Variants in SLC8A1 observed in about 807,000 individuals in gnomAD.
SLC8A1 encodes the protein solute carrier family 8 member A1.
A neutral mutation model predicts 68.3 loss-of-function variants in SLC8A1; 18 were observed. The ratio of observed to expected loss-of-function variants is 0.26; its 90% confidence interval spans 0.18 to 0.39. SLC8A1 has a LOEUF of 0.39. Ranked by LOEUF, SLC8A1 falls within the 10% of genes least tolerant of loss-of-function variation. The probability of loss-of-function intolerance (pLI) is 1.00; values close to 1 mark genes in which losing one functional copy is unlikely to be tolerated. For synonymous variants in SLC8A1, 475 were observed against 415.5 expected (o/e 1.14, Z -1.74); for missense variants, 985 against 1,156.7 (o/e 0.85, Z 2.15).
intron 1 of SLC8A1, among the ~76,000 whole-genome samples, chr2:40,441,423 A>C (rs2149830553): frequency 6.6e-6 from 1 of 152,080 alleles, no homozygotes; most frequent in East Asian, 1.9e-4. Context: ...TTTAAGTTTC[A>C]TATCGAACAA....
intron 2 of SLC8A1, among the ~76,000 whole-genome samples, chr2:40,342,506 G>T (rs1272305331): frequency 6.6e-6 from 1 of 152,024 alleles, no homozygotes; most frequent in Non-Finnish European, 1.5e-5. Flanking sequence ...AAAGTAAATG[G>T]GAAGAAAGAT....
intron 2 of SLC8A1, among the ~76,000 whole-genome samples, chr2:40,203,849 C>T (rs1369331461): frequency 6.6e-6 from 1 of 151,822 alleles, no homozygotes; most frequent in Admixed American, 6.6e-5. Context: ...GGACTACATG[C>T]ATGAACTACC....
intron 2 of SLC8A1, among the ~76,000 whole-genome samples, chr2:40,257,421 C>T (rs1558990729): frequency 1.3e-5 from 2 of 150,212 alleles, no homozygotes; most frequent in South Asian, 2.1e-4. Flanking sequence ...AGCTGTTTAC[C>T]ACCTTTTTTT....
intron 2 of SLC8A1, among the ~76,000 whole-genome samples, chr2:40,374,673 A>G (rs561681628): frequency 3.3e-5 from 5 of 152,016 alleles, no homozygotes; most frequent in Non-Finnish European, 7.4e-5. Flanking sequence ...AATAAGAACA[A>G]TAACTTTCCC....
intron 2 of SLC8A1, 40 bp downstream of exon 2, chr2:40,428,423 CCACACACACA>C (rs3838567): frequency 0.08 from 111,642 of 1,393,936 alleles, 3,259 homozygotes; most frequent in South Asian, 0.13. Context: ...ACACACTGAA[CCACACACACA>C]CACACACACA....
rs541685345 is a variant in SLC8A1, at chr2:40,432,656, G to A, written c.-24-2352C>T. On this transcript the variant is annotated intron_variant, in intron 1 of 7. Coordinates refer to ENST00000406785, the Ensembl canonical transcript of SLC8A1. ...TAGCAAGAGGGTAATGGACCAAGGGGGCAGGGCTCAGGAGTGGGAATGGAT... is the reference window on the plus strand; with the variant it reads ...TAGCAAGAGGGTAATGGACCAAGGGAGCAGGGCTCAGGAGTGGGAATGGAT... 8.4e-4 allele frequency among the ~76,000 whole-genome samples: 128 copies of A among 152,010 alleles called. 1 individual carries two copies. The highest frequency in any genetic ancestry group is 3.0e-3 in the African/African-American group (124 of 41,446).
intron 2 of SLC8A1, among the ~76,000 whole-genome samples, chr2:40,321,972 C>T (rs1487933945): frequency 6.6e-6 from 1 of 152,140 alleles, no homozygotes; most frequent in Admixed American, 6.6e-5. Context: ...ACTCATTAGT[C>T]AACTTAGGGT....
chr2:40,477,240 A>T (rs1704345398), intron 1 of SLC8A1, among the ~76,000 whole-genome samples: 1 of 150,780 alleles, frequency 6.6e-6, no homozygotes. Context: ...GGTATCTGAT[A>T]TCTGAAGAAA....
intron 2 of SLC8A1, among the ~76,000 whole-genome samples, chr2:40,263,439 A>C (rs414842): frequency 0.94 from 143,585 of 152,236 alleles, 68,093 homozygotes; most frequent in East Asian, 1. Context: ...ATCACGCTAC[A>C]TGACTTCAAA....
At chr2:40,122,597 A>T (rs1376633420) in intron 7 of SLC8A1, among the ~76,000 whole-genome samples, 1 of 152,094 alleles carries the variant, frequency 6.6e-6, no homozygotes, top group Non-Finnish European at 1.5e-5. Context: ...TGCTAGCCCC[A>T]CCTTGAGTTT....
At chr2:40,229,138 C>G (rs1352281632) in intron 2 of SLC8A1, among the ~76,000 whole-genome samples, 2 of 152,028 alleles carry the variant, frequency 1.3e-5, no homozygotes, top group Admixed American at 1.3e-4. Flanking sequence ...GACCATGTCC[C>G]TAAAAGCTGT....
chr2:40,324,171 T>C (rs1448865465), intron 2 of SLC8A1, among the ~76,000 whole-genome samples: 1 of 151,958 alleles, frequency 6.6e-6, no homozygotes, highest in African/African-American at 2.4e-5. Context: ...GAGATTGAAA[T>C]ATGATGAGGT....
chr2:40,446,820 G>A (rs374034098), intron 1 of SLC8A1, among the ~76,000 whole-genome samples: 45 of 152,196 alleles, frequency 3.0e-4, no homozygotes, highest in African/African-American at 9.2e-4. Context: ...ATGAGAAAAC[G>A]TGTGTAAAGC....
chr2:40,194,326 C>T (rs1383634554), intron 2 of SLC8A1, among the ~76,000 whole-genome samples: 7 of 151,958 alleles, frequency 4.6e-5, no homozygotes, highest in Non-Finnish European at 1.0e-4. Context: ...TTATCTTCTA[C>T]AGTATTTGCA....
At chr2:40,129,886 GAGTAA>G (rs1274982289) in intron 7 of SLC8A1, among the ~76,000 whole-genome samples, 2 of 152,152 alleles carry the variant, frequency 1.3e-5, no homozygotes, top group African/African-American at 4.8e-5. Context: ...TTATGGGACT[GAGTAA>G]AGTTGGCTGG....
chr2:40,364,374 G>T (rs920490130), intron 2 of SLC8A1, among the ~76,000 whole-genome samples: 12 of 151,568 alleles, frequency 7.9e-5, no homozygotes, highest in African/African-American at 2.9e-4. Flanking sequence ...GTGTGTGTGT[G>T]TATGTTTAGG....
At chr2:40,197,240 A>C (rs398006) in intron 2 of SLC8A1, among the ~76,000 whole-genome samples, 107,208 of 151,816 alleles carry the variant, frequency 0.71, 39,205 homozygotes, top group Middle Eastern at 0.83. Context: ...TAAATTTAGC[A>C]TTTACTGAGG....
exon 8 of SLC8A1, chr2:40,112,257 T>C (rs1419996135): frequency 6.6e-6 from 1 of 152,474 alleles, no homozygotes; most frequent in African/African-American, 2.4e-5. Context: ...AGTGATTAAA[T>C]CAGAAACAAT....
At chr2:40,195,578 TATTA>T (rs1481523456) in intron 2 of SLC8A1, among the ~76,000 whole-genome samples, 16 of 152,224 alleles carry the variant, frequency 1.1e-4, no homozygotes, top group African/African-American at 3.1e-4. Flanking sequence ...CTATAACTTC[TATTA>T]ATTATTTAAG....
Sources: allele counts gnomAD v4.1 joint callset (sites outside exome capture counted in the v4.1 genomes callset), GRCh38; gene constraint gnomAD v4.1.1; transcripts MANE v1.5; gene names NCBI Gene and HGNC (gene_info 2026-07-23, HGNC 2026-07-21).